The following ZNF385D variants were observed in gnomAD, a reference collection of about 807,000 sequenced individuals.
The protein encoded by ZNF385D is zinc finger protein 385D.
ZNF385D carries 15 observed loss-of-function variants against 35.8 expected under a neutral mutation model. The observed-to-expected ratio is 0.42, with a 90% CI of 0.28 to 0.64. The LOEUF (loss-of-function observed/expected upper bound fraction) is 0.64, where lower values mean the gene tolerates loss of function less well. Among genes scored for constraint, ZNF385D ranks in the 30% least tolerant of loss-of-function variants. The pLI is 0.23. For synonymous variants in ZNF385D, 212 were observed against 186.8 expected, an observed-to-expected ratio of 1.13 and a Z score of -1.10; for missense variants, 474 against 494.6, an observed-to-expected ratio of 0.96 and a Z score of 0.39.
intron 3 of ZNF385D, among the ~76,000 whole-genome samples, chr3:21,518,605 T>A (rs1438628821): frequency 6.6e-6 from 1 of 152,206 alleles, no homozygotes; most frequent in African/African-American, 2.4e-5. Context: ...ATCCACTGTT[T>A]TATTTGCATT....
At chr3:22,148,642 T>C (rs1705019958) in intron 3 of ZNF385D, among the ~76,000 whole-genome samples, 1 of 152,206 alleles carries the variant, frequency 6.6e-6, no homozygotes, top group Admixed American at 6.5e-5. Flanking sequence ...AAAGCAGGAA[T>C]ATGAGCTCCT....
chr3:21,677,010 A>G (rs1168719154), intron 1 of ZNF385D, among the ~76,000 whole-genome samples: 1 of 152,114 alleles, frequency 6.6e-6, no homozygotes, highest in African/African-American at 2.4e-5. Flanking sequence ...GAAAGTCCTC[A>G]TATCAGGGTT....
At chr3:21,920,582 G>A (rs562113960) in intron 3 of ZNF385D, among the ~76,000 whole-genome samples, 4 of 142,974 alleles carry the variant, frequency 2.8e-5, no homozygotes, top group African/African-American at 5.2e-5. Flanking sequence ...CTGGAAGAAT[G>A]CATTTAGTGA....
rs200413072 is a variant in ZNF385D at position 22,111,687 on chromosome 3, G to C, written c.325+57130C>G. Among the ~76,000 whole-genome samples, 38 of 152,194 alleles carry C rather than the reference G, an allele frequency of 2.5e-4. 1 individual carries two copies. The highest frequency in any genetic ancestry group is 5.8e-4 in the East Asian group (3 of 5,170). ...ACTTACGCTGTCTTCGTAGATGGCA[G>C]GCTTAAATCATAAAAAAGTAGAAGA... On this transcript the variant is annotated intron_variant, in intron 3 of 5. Transcript: ENST00000494108.
intron 3 of ZNF385D, among the ~76,000 whole-genome samples, chr3:22,117,774 A>AT (rs1702885850): frequency 6.6e-6 from 1 of 152,094 alleles, no homozygotes; most frequent in Non-Finnish European, 1.5e-5. Context: ...CAATAAAAGA[A>AT]GAAATTAAGA....
intron 2 of ZNF385D, among the ~76,000 whole-genome samples, chr3:22,227,560 C>T (rs897906929): frequency 1.3e-5 from 2 of 152,056 alleles, no homozygotes; most frequent in African/African-American, 4.8e-5. Context: ...CATAAAAGGC[C>T]TAAAGTGAGG....
At chr3:21,523,307 C>T (rs765799116) in intron 3 of ZNF385D, among the ~76,000 whole-genome samples, 5 of 152,178 alleles carry the variant, frequency 3.3e-5, no homozygotes, top group Non-Finnish European at 7.3e-5. Flanking sequence ...TGAAGTCTAA[C>T]TCCAGAAACC....
intron 3 of ZNF385D, among the ~76,000 whole-genome samples, chr3:21,901,807 T>A (rs900815688): frequency 1.2e-4 from 18 of 152,178 alleles, no homozygotes; most frequent in African/African-American, 4.3e-4. Context: ...AGACCCAGAC[T>A]AACAGGTTAT....
intron 3 of ZNF385D, among the ~76,000 whole-genome samples, chr3:21,853,665 G>C (rs962686894): frequency 1.3e-5 from 2 of 151,670 alleles, no homozygotes; most frequent in Non-Finnish European, 3.0e-5. Flanking sequence ...AATGAATTTT[G>C]AGCCTCGATT....
intron 3 of ZNF385D, among the ~76,000 whole-genome samples, chr3:21,842,161 A>T (rs1695723489): frequency 6.6e-6 from 1 of 152,024 alleles, no homozygotes; most frequent in Admixed American, 6.6e-5. Flanking sequence ...TATCAATAAT[A>T]ATTCAATATG....
At chr3:22,033,907 T>G (rs6766614) in intron 3 of ZNF385D, among the ~76,000 whole-genome samples, 1 of 151,928 alleles carries the variant, frequency 6.6e-6, no homozygotes, top group Non-Finnish European at 1.5e-5. Flanking sequence ...CTTCACCCAG[T>G]ACTTTCCTTG....
intron 3 of ZNF385D, among the ~76,000 whole-genome samples, chr3:21,972,249 T>C (rs1463931279): frequency 6.6e-6 from 1 of 152,008 alleles, no homozygotes; most frequent in Non-Finnish European, 1.5e-5. Context: ...ATCAAGTATC[T>C]TCTTTGACCA....
chr3:22,021,269 C>G (rs891014562), intron 3 of ZNF385D, among the ~76,000 whole-genome samples: 1 of 151,874 alleles, frequency 6.6e-6, no homozygotes, highest in Non-Finnish European at 1.5e-5. Context: ...AAAAAAGACT[C>G]AACATGTGAA....
intron 2 of ZNF385D, among the ~76,000 whole-genome samples, chr3:22,170,913 A>G (rs1162636345): frequency 1.3e-5 from 2 of 152,214 alleles, no homozygotes. Context: ...GTTTTATAAT[A>G]TGGGAAAATA....
chr3:21,964,409 T>G (rs1702765230), intron 3 of ZNF385D, among the ~76,000 whole-genome samples: 1 of 109,298 alleles, frequency 9.1e-6, no homozygotes, highest in Non-Finnish European at 1.8e-5. Context: ...TTGGTCCTTT[T>G]TGTAAAAAAA....
At chr3:21,736,941 T>G (rs1350003418) in intron 1 of ZNF385D, among the ~76,000 whole-genome samples, 1 of 152,230 alleles carries the variant, frequency 6.6e-6, no homozygotes, top group Non-Finnish European at 1.5e-5. Context: ...CAATCCCATT[T>G]CTTTTTTTCT....
chr3:21,627,006 T>C (rs1459057079), intron 2 of ZNF385D, among the ~76,000 whole-genome samples: 2 of 151,850 alleles, frequency 1.3e-5, no homozygotes, highest in African/African-American at 4.8e-5. Context: ...TTTCAATGTT[T>C]TACAGTGAAA....
chr3:21,547,016 C>T (rs1320789678), intron 3 of ZNF385D, among the ~76,000 whole-genome samples: 1 of 152,148 alleles, frequency 6.6e-6, no homozygotes, highest in Admixed American at 6.5e-5. Context: ...TCCCCTCTTT[C>T]TAAATGGGTA....
chr3:21,661,902 T>G (rs1412744477), intron 2 of ZNF385D, among the ~76,000 whole-genome samples: 1 of 152,208 alleles, frequency 6.6e-6, no homozygotes, highest in Non-Finnish European at 1.5e-5. Context: ...TATGCTCTTG[T>G]GGAAGACAAT....
Sources: allele counts gnomAD v4.1 joint callset (sites outside exome capture counted in the v4.1 genomes callset), GRCh38; gene constraint gnomAD v4.1.1; transcripts MANE v1.5; gene names NCBI Gene and HGNC (gene_info 2026-07-23, HGNC 2026-07-21).